Variants in TTC17 observed in about 807,000 individuals in gnomAD.
The protein encoded by TTC17 is tetratricopeptide repeat protein 17.
In TTC17, 58 loss-of-function variants were observed where a neutral mutation model predicts 143.8. The ratio of observed to expected loss-of-function variants is 0.40; its 90% CI spans 0.33 to 0.50. The LOEUF is 0.50. TTC17 is among the 20% of genes least tolerant of loss of function. TTC17 has a pLI of 0.49. For synonymous variants in TTC17, 501 were observed against 497.8 expected (o/e 1.01, Z -0.09); for missense variants, 1,273 against 1,392.5 (o/e 0.91, Z 1.37).
At chr11:43,492,522 C>G (rs2134498893) in intron 23 of TTC17, among the ~76,000 whole-genome samples, 1 of 152,292 alleles carries the variant, frequency 6.6e-6, no homozygotes, top group East Asian at 1.9e-4. Context: ...GCTAAGGTAC[C>G]TGTCATCGCA....
At chr11:43,472,696 A>G (rs1461156594) in intron 21 of TTC17, among the ~76,000 whole-genome samples, 2 of 152,194 alleles carry the variant, frequency 1.3e-5, no homozygotes, top group Admixed American at 6.5e-5. Flanking sequence ...TGTTGATATC[A>G]ACTGTGACAA....
intron 17 of TTC17, 106 bp from the exon 18 acceptor site, chr11:43,443,950 A>G (rs1292662506): frequency 3.1e-5 from 40 of 1,309,054 alleles, no homozygotes; most frequent in Non-Finnish European, 3.8e-5. Context: ...CAAGGAGAGA[A>G]CTTAACCTGA....
chr11:43,375,548 A>G (rs1021026791), intron 1 of TTC17, among the ~76,000 whole-genome samples: 1 of 152,192 alleles, frequency 6.6e-6, no homozygotes, highest in Non-Finnish European at 1.5e-5. Context: ...TTAAATGAGA[A>G]TGGCATAATT....
intron 6 of TTC17, 139 bp downstream of exon 6, chr11:43,396,957 C>CA (rs11406499): frequency 0.23 from 75,867 of 326,814 alleles, 817 homozygotes; most frequent in Middle Eastern, 0.28. Context: ...AGTCCCACCA[C>CA]AAAAAAAAAA....
intron 21 of TTC17, among the ~76,000 whole-genome samples, chr11:43,480,721 TTTA>T (rs1189131639): frequency 1.3e-5 from 2 of 152,180 alleles, no homozygotes; most frequent in East Asian, 1.9e-4. Context: ...CAAAAGCCCT[TTTA>T]TTATGCAGGA....
intron 16 of TTC17, among the ~76,000 whole-genome samples, chr11:43,417,469 G>A (rs1483261106): frequency 6.6e-6 from 1 of 152,112 alleles, no homozygotes; most frequent in Non-Finnish European, 1.5e-5. Context: ...TCAAGAGAGT[G>A]ACAAGGCTTA....
chr11:43,363,082 C>G (rs1436269062), intron 1 of TTC17, among the ~76,000 whole-genome samples: 1 of 152,168 alleles, frequency 6.6e-6, no homozygotes, highest in Non-Finnish European at 1.5e-5. Context: ...GGGTCCTTAA[C>G]TTCGACCCCA....
At chr11:43,416,105 CT>C (rs1049048165) in intron 16 of TTC17, among the ~76,000 whole-genome samples, 2 of 152,070 alleles carry the variant, frequency 1.3e-5, no homozygotes, top group African/African-American at 4.8e-5. Context: ...GTGCTCAGAA[CT>C]TTAAAGGTGC....
intron 21 of TTC17, among the ~76,000 whole-genome samples, chr11:43,471,771 A>G (rs998375217): frequency 6.6e-6 from 1 of 152,260 alleles, no homozygotes; most frequent in African/African-American, 2.4e-5. Context: ...GCAAGTTGCA[A>G]TCTCTAGGCT....
chr11:43,460,648 GTC>G (rs1247570722), intron 21 of TTC17, among the ~76,000 whole-genome samples: 2 of 152,148 alleles, frequency 1.3e-5, no homozygotes, highest in Non-Finnish European at 2.9e-5. Context: ...AGATTCTACT[GTC>G]TGAACTGGAC....
At chr11:43,416,312 T>G (rs916536903) in intron 16 of TTC17, among the ~76,000 whole-genome samples, 7 of 152,160 alleles carry the variant, frequency 4.6e-5, no homozygotes, top group African/African-American at 1.4e-4. Flanking sequence ...TTTTCTTAAT[T>G]TACTATCATC....
intron 21 of TTC17, among the ~76,000 whole-genome samples, chr11:43,467,977 G>A (rs1656394317): frequency 6.6e-6 from 1 of 151,962 alleles, no homozygotes; most frequent in African/African-American, 2.4e-5. Context: ...TATTTCCTAA[G>A]AATTATGAAA....
chr11:43,478,277 G>A (rs185366237), intron 21 of TTC17, among the ~76,000 whole-genome samples: 4 of 152,104 alleles, frequency 2.6e-5, no homozygotes, highest in Admixed American at 6.5e-5. Context: ...AATGTATGGC[G>A]CTCATTTAGA....
At position 43,445,957 on chromosome 11, in the gene TTC17, G is replaced by C. The variant is rs746226246; in HGVS notation, c.2665+1748G>C. 6.8e-6 allele frequency: 10 copies of C among 1,461,148 alleles called. No individual in the cohort carries two copies. The Middle Eastern group carries it at 1.5e-3, about 224-fold the overall frequency. 90.5% of individuals were successfully genotyped at this position (1,461,148 alleles called of 1,614,324 possible). On this transcript the variant is annotated intron_variant, in intron 18 of 23. Transcript: ENST00000039989. Reference sequence around the variant, plus strand: ...GCTACTAGACTGGAAGACCAGGAAAGTGCCATAGACATAATGTAACTGGAT... The same window carrying C: ...GCTACTAGACTGGAAGACCAGGAAACTGCCATAGACATAATGTAACTGGAT...
chr11:43,359,374 C>T lies in TTC17; in HGVS notation c.159+261C>T, dbSNP rs548201175. On this transcript the variant is annotated intron_variant, in intron 1 of 23. Coordinates refer to ENST00000039989, the MANE Select transcript of TTC17 (RefSeq NM_018259.6). ...CCGCGCGCCGCGTGGGGAAGAGTCGCCCAGCTGCGGGAGACGGGCCCTACG... is the reference window on the plus strand; with the variant it reads ...CCGCGCGCCGCGTGGGGAAGAGTCGTCCAGCTGCGGGAGACGGGCCCTACG... 1.8e-5 allele frequency: 8 copies of T among 440,210 alleles called. No individual in the cohort carries two copies. In the South Asian group the frequency reaches 3.2e-4, roughly 17 times the overall value. 27.3% of individuals were successfully genotyped at this position (440,210 alleles called of 1,614,324 possible).
chr11:43,474,603 T>G (rs1393170049), intron 21 of TTC17, among the ~76,000 whole-genome samples: 2 of 152,190 alleles, frequency 1.3e-5, no homozygotes, highest in African/African-American at 4.8e-5. Flanking sequence ...AGGGGAATTA[T>G]CAAGAGGAAT....
At chr11:43,425,312 C>A (rs932897725) in intron 16 of TTC17, among the ~76,000 whole-genome samples, 8 of 151,946 alleles carry the variant, frequency 5.3e-5, no homozygotes, top group African/African-American at 1.9e-4. Flanking sequence ...TGATGGGACA[C>A]CTGTCTCTTG....
intron 1 of TTC17, among the ~76,000 whole-genome samples, chr11:43,372,392 TC>T (rs1206864665): frequency 6.6e-6 from 1 of 151,956 alleles, no homozygotes; most frequent in African/African-American, 2.4e-5. Context: ...AACTTCCACT[TC>T]CTGGCTTCAA....
intron 16 of TTC17, among the ~76,000 whole-genome samples, chr11:43,437,975 A>G (rs142129407): frequency 0.012 from 1,839 of 152,344 alleles, 17 homozygotes; most frequent in Middle Eastern, 0.027. Context: ...TGATTTCCCT[A>G]CCTACCTTAA....
Sources: gnomAD v4.1 joint callset for allele counts (sites outside exome capture counted in the v4.1 genomes callset) on GRCh38, gnomAD v4.1.1 for gene constraint, MANE v1.5 for transcripts, NCBI Gene and HGNC (gene_info 2026-07-23, HGNC 2026-07-21) for gene names.